Variants in PITPNM3 observed in about 807,000 individuals in gnomAD.
PITPNM3 encodes membrane-associated phosphatidylinositol transfer protein 3.
A neutral mutation model predicts 102.0 loss-of-function variants in PITPNM3; 26 were observed. The observed-to-expected ratio is 0.25, with a 90% CI of 0.19 to 0.35. The LOEUF (loss-of-function observed/expected upper bound fraction) is 0.35, where lower values mean the gene tolerates loss of function less well. Among genes scored for constraint, PITPNM3 ranks in the 10% least tolerant of loss-of-function variants. The pLI is 1.00. For synonymous variants in PITPNM3, 578 were observed against 558.6 expected (o/e 1.03, Z -0.49); for missense variants, 1,083 against 1,346.1 (o/e 0.80, Z 3.06).
Position 6,472,562 on chromosome 17 carries a change from G to C in PITPNM3, c.1429+95C>G, listed in dbSNP as rs752555112. ...TTCTGTTCTCACAGCCCCTGCTCAG[G>C]TGAGTCACCCTACTCACTGAGAGCT... On this transcript the variant is annotated intron_variant, in intron 11 of 19. Transcript: ENST00000262483. The surrounding 1 kb of genome is among the most constrained non-coding windows in gnomAD (Gnocchi z 4.1). 2 of 1,468,274 alleles carry C rather than the reference G, an allele frequency of 1.4e-6. No homozygotes were observed. The highest frequency in any genetic ancestry group is 3.9e-5 in the Admixed American group (2 of 50,880). 91.0% of individuals were successfully genotyped at this position (1,468,274 alleles called of 1,614,324 possible).
chr17:6,505,282 T>G (rs1368436738), intron 3 of PITPNM3, among the ~76,000 whole-genome samples: 1 of 151,458 alleles, frequency 6.6e-6, no homozygotes, highest in African/African-American at 2.4e-5. Flanking sequence ...CTCTGATTCT[T>G]GTTTTATTTA....
intron 8 of PITPNM3, among the ~76,000 whole-genome samples, chr17:6,477,529 ACTTCTT>A (rs753494920): frequency 2.0e-5 from 3 of 151,954 alleles, no homozygotes; most frequent in South Asian, 4.2e-4. Context: ...ATTATGATAC[ACTTCTT>A]CTTCTTCTTC....
At chr17:6,548,162 A>T (rs1222098050) in intron 1 of PITPNM3, among the ~76,000 whole-genome samples, 4 of 152,142 alleles carry the variant, frequency 2.6e-5, no homozygotes, top group Admixed American at 6.5e-5. Context: ...GCAAGAGCCA[A>T]TGTGACCCCC....
Position 6,455,510 on chromosome 17 carries a change from C to A in PITPNM3, c.2753G>T (p.Arg918Leu). The A allele has an allele frequency of 6.2e-7, 1 of 1,605,788 alleles. No individual in the cohort carries two copies. The change falls in exon 20 of 20, where the codon CGG (arginine) becomes CTG (leucine). Residue 918 changes from arginine (R) to leucine (L), a missense_variant. Transcript: ENST00000262483. ...GGTTCTGCGCAGGTGGTTGCGCTTC[C>A]GCAGGAACTCTGGCTGCGCGTGCAG... ...FGLHAQPEFL[R>L]KRNHLRRTMS... is the part of the protein sequence containing the mutation.
intron 3 of PITPNM3, among the ~76,000 whole-genome samples, chr17:6,504,394 T>C (rs115915713): frequency 0.013 from 1,911 of 152,290 alleles, 41 homozygotes; most frequent in African/African-American, 0.043. Flanking sequence ...CAGAATGAAC[T>C]TCTCCAGGTG....
rs1351378997 is a variant in PITPNM3 at position 6,525,467 on chromosome 17, T to G, written c.119-4A>C. The G allele has an allele frequency of 6.2e-7, 1 of 1,612,180 alleles. No individual in the cohort carries two copies. The highest frequency in any genetic ancestry group is 1.3e-5 in the African/African-American group (1 of 74,880). On this transcript the variant is annotated splice_polypyrimidine_tract_variant and splice_region_variant and intron_variant, in intron 2 of 19. Transcript: ENST00000262483. ...TTCTTCCCTTCAGCCATCTCCTCTG[T>G]GGGAAGAAGCAGCGGTGAGCAGAAG...
At chr17:6,548,365 G>A (rs1910138294) in intron 1 of PITPNM3, among the ~76,000 whole-genome samples, 1 of 152,174 alleles carries the variant, frequency 6.6e-6, no homozygotes, top group Admixed American at 6.5e-5. Context: ...GAAACACAGA[G>A]GCTGCGAGGG....
chr17:6,467,266 C>T (rs1262117185), intron 14 of PITPNM3, among the ~76,000 whole-genome samples: 1 of 152,114 alleles, frequency 6.6e-6, no homozygotes, highest in East Asian at 1.9e-4. Context: ...CACAAATGGT[C>T]ACATATTACA....
At position 6,469,433 on chromosome 17, in the gene PITPNM3, C is replaced by G. The variant is rs1007548946; in HGVS notation, c.1773+827G>C. 1.4e-4 allele frequency among the ~76,000 whole-genome samples: 21 copies of G among 150,854 alleles called. No individual in the cohort carries two copies. Among genetic ancestry groups the G allele is most frequent in the African/African-American group, 4.9e-4 (20 of 40,946 alleles). On this transcript the variant is annotated intron_variant, in intron 13 of 19. Transcript: ENST00000262483. This position sits in a 1 kb window ranked among gnomAD's most constrained non-coding sequence, Gnocchi z 4.0. ...TCTCCCACCCCCAAGAACCTACAAA[C>G]AAAACTCACTTTCCTCCGCCCCCTG...
At chr17:6,539,264 AG>A (rs991082669) in intron 1 of PITPNM3, among the ~76,000 whole-genome samples, 1 of 152,176 alleles carries the variant, frequency 6.6e-6, no homozygotes, top group Non-Finnish European at 1.5e-5. Flanking sequence ...ATTTACTGCA[AG>A]GGGGGTCTGA....
chr17:6,494,407 C>A (rs1385681740), intron 4 of PITPNM3, among the ~76,000 whole-genome samples: 1 of 152,202 alleles, frequency 6.6e-6, no homozygotes, highest in Non-Finnish European at 1.5e-5. Context: ...CCCTAATGAT[C>A]CCCTGTCAAG....
At chr17:6,482,026 CTCTCTCTCTGTCTG>C (rs1905749816) in intron 6 of PITPNM3, among the ~76,000 whole-genome samples, 3 of 108,718 alleles carry the variant, frequency 2.8e-5, no homozygotes, top group Admixed American at 9.2e-5. Context: ...CTCTCTCTCT[CTCTCTCTCTGTCTG>C]TCTCTCTCTC....
intron 1 of PITPNM3, among the ~76,000 whole-genome samples, chr17:6,555,022 C>G (rs961257565): frequency 2.0e-5 from 3 of 152,222 alleles, no homozygotes; most frequent in Non-Finnish European, 4.4e-5. Context: ...GACACACGCC[C>G]TGCCACAGGC....
At chr17:6,527,998 T>A (rs900522930) in intron 2 of PITPNM3, among the ~76,000 whole-genome samples, 2 of 152,214 alleles carry the variant, frequency 1.3e-5, no homozygotes, top group African/African-American at 4.8e-5. Context: ...ATAACCCTGC[T>A]CCATCTTTGG....
At chr17:6,510,150 T>A (rs569702310) in intron 3 of PITPNM3, among the ~76,000 whole-genome samples, 2 of 152,352 alleles carry the variant, frequency 1.3e-5, no homozygotes, top group South Asian at 4.1e-4. Flanking sequence ...TAACTTTGCC[T>A]TCCTGGGCTA....
rs988983952 is a variant in PITPNM3, at chr17:6,468,733, C to T, written c.1774-392G>A. Among the ~76,000 whole-genome samples, 6 of 152,168 alleles carry T rather than the reference C, an allele frequency of 3.9e-5. No homozygotes were observed. The highest frequency in any genetic ancestry group is 3.3e-4 in the Admixed American group (5 of 15,282). On this transcript the variant is annotated intron_variant, in intron 13 of 19. Transcript: ENST00000262483. This position sits in a 1 kb window ranked among gnomAD's most constrained non-coding sequence, Gnocchi z 5.2. The stretch of plus-strand genomic sequence containing the variant: ...TCCAGCCATGCTCCCCTCCCAATCC[C>T]GCAGAGCTGATTAGACTCCCTCCGC...
In PITPNM3 at chr17:6,503,787, C is replaced by T. The variant is rs529011786; in HGVS notation, c.227-213G>A. Among the ~76,000 whole-genome samples, 6 of 152,248 alleles carry T rather than the reference C, an allele frequency of 3.9e-5. No homozygotes were observed. The East Asian group carries it at 7.7e-4, about 20-fold the overall frequency. On this transcript the variant is annotated intron_variant, in intron 3 of 19. Coordinates refer to ENST00000262483, the MANE Select transcript of PITPNM3 (RefSeq NM_031220.4). ...CCTGATGCCATTTCTGGGGAGAGTACGGCCTGGCTCCTCTGCCTCCTCAGG... is the reference window on the plus strand; with the variant it reads ...CCTGATGCCATTTCTGGGGAGAGTATGGCCTGGCTCCTCTGCCTCCTCAGG...
intron 1 of PITPNM3, among the ~76,000 whole-genome samples, chr17:6,552,687 T>C (rs1312570293): frequency 6.6e-6 from 1 of 151,774 alleles, no homozygotes; most frequent in Non-Finnish European, 1.5e-5. Flanking sequence ...ATGTGCCTCT[T>C]CCTTTCCATC....
At chr17:6,506,377 CTCT>C (rs1276510713) in intron 3 of PITPNM3, among the ~76,000 whole-genome samples, 1 of 105,552 alleles carries the variant, frequency 9.5e-6, no homozygotes, top group Non-Finnish European at 1.9e-5. Context: ...TTTCCTTTCT[CTCT>C]TTTTTTTTTT....
Sources: gnomAD v4.1 joint callset for allele counts (sites outside exome capture counted in the v4.1 genomes callset) on GRCh38, gnomAD v4.1.1 for gene constraint, Gnocchi (gnomAD v3.1) non-coding constraint, MANE v1.5 for transcripts, NCBI Gene and HGNC (gene_info 2026-07-23, HGNC 2026-07-21) for gene names.